The following HDAC9 variants were observed in gnomAD, a reference collection of about 807,000 sequenced individuals.
HDAC9 encodes histone deacetylase 9.
A neutral mutation model predicts 139.4 loss-of-function variants in HDAC9; 41 were observed. The observed-to-expected ratio is 0.29, with a 90% CI of 0.23 to 0.38. The LOEUF (loss-of-function observed/expected upper bound fraction) is 0.38, where lower values mean the gene tolerates loss of function less well. Ranked by LOEUF, HDAC9 falls within the 10% of genes least tolerant of loss-of-function variation. The pLI is 1.00. For missense variants in HDAC9, 1,147 were observed against 1,297.0 expected, an observed-to-expected ratio of 0.88 and a Z score of 1.78; for synonymous variants, 517 against 476.2, an observed-to-expected ratio of 1.09 and a Z score of -1.12.
At chr7:18,621,571 A>G (rs1840214290) in intron 6 of HDAC9, among the ~76,000 whole-genome samples, 1 of 152,150 alleles carries the variant, frequency 6.6e-6, no homozygotes, top group South Asian at 2.1e-4. Flanking sequence ...AATTGCATTC[A>G]TGTATTACCA....
At chr7:18,136,370 T>A (rs956961736) in intron 1 of HDAC9, among the ~76,000 whole-genome samples, 6 of 152,202 alleles carry the variant, frequency 3.9e-5, no homozygotes, top group African/African-American at 1.4e-4. Flanking sequence ...AGACATGAAG[T>A]CCTTGCCCAT....
intron 1 of HDAC9, among the ~76,000 whole-genome samples, chr7:18,375,151 T>C (rs1253583480): frequency 2.0e-5 from 3 of 152,230 alleles, no homozygotes; most frequent in Admixed American, 6.5e-5. Flanking sequence ...TGCATGTTAC[T>C]ACATAAAATT....
At chr7:18,773,362 T>TAC (rs1491290562) in intron 16 of HDAC9, among the ~76,000 whole-genome samples, 6 of 116,770 alleles carry the variant, frequency 5.1e-5, no homozygotes, top group Non-Finnish European at 9.0e-5. Context: ...TAAAAAACTG[T>TAC]ATACACACAC....
At position 18,709,944 on chromosome 7, in the gene HDAC9, T is replaced by G. The variant is rs149661449; in HGVS notation, c.1732-17636T>G. Among the ~76,000 whole-genome samples the G allele has an allele frequency of 2.8e-3, 430 of 152,318 alleles. 4 individuals are homozygous for G. Among genetic ancestry groups the G allele is most frequent in the African/African-American group, 1.0e-2 (415 of 41,570 alleles). ...TCTGAGAAATGTCAGTGTATTAGTT[T>G]GTTCTCATGCTGCTGATAAAAAGAC... On this transcript the variant is annotated intron_variant, in intron 12 of 25. Coordinates refer to ENST00000686413, the MANE Select transcript of HDAC9 (RefSeq NM_178425.4).
At chr7:18,545,093 C>G (rs1364107703) in intron 2 of HDAC9, among the ~76,000 whole-genome samples, 1 of 152,108 alleles carries the variant, frequency 6.6e-6, no homozygotes, top group Admixed American at 6.6e-5. Context: ...GTCAATGGTT[C>G]CAAAGTTGAG....
chr7:18,940,402 C>T (rs1781945762), intron 23 of HDAC9, among the ~76,000 whole-genome samples: 1 of 152,116 alleles, frequency 6.6e-6, no homozygotes, highest in South Asian at 2.1e-4. Context: ...CTGGAGGCAA[C>T]TGATATTGAA....
At chr7:18,309,342 A>T (rs1208126325) in intron 1 of HDAC9, among the ~76,000 whole-genome samples, 1 of 152,200 alleles carries the variant, frequency 6.6e-6, no homozygotes, top group Non-Finnish European at 1.5e-5. Flanking sequence ...GTTTAAATTT[A>T]GATACTGTCT....
intron 1 of HDAC9, among the ~76,000 whole-genome samples, chr7:18,463,564 G>A (rs369964180): frequency 8.1e-4 from 123 of 151,706 alleles, no homozygotes; most frequent in South Asian, 2.1e-3. Flanking sequence ...TGCATTATTT[G>A]TTTGAATTTA....
intron 22 of HDAC9, among the ~76,000 whole-genome samples, chr7:18,875,088 T>C (rs1799220485): frequency 6.6e-6 from 1 of 152,200 alleles, no homozygotes; most frequent in Non-Finnish European, 1.5e-5. Context: ...TCATAATCTC[T>C]ACTCGTCTTC....
chr7:18,368,289 T>A (rs1784337806), intron 1 of HDAC9, among the ~76,000 whole-genome samples: 2 of 152,114 alleles, frequency 1.3e-5, no homozygotes, highest in Admixed American at 6.6e-5. Flanking sequence ...TCTATCACTT[T>A]ACCTTTTAAT....
At chr7:18,974,982 A>C (rs1404935050) in intron 24 of HDAC9, among the ~76,000 whole-genome samples, 1 of 152,182 alleles carries the variant, frequency 6.6e-6, no homozygotes, top group Non-Finnish European at 1.5e-5. Flanking sequence ...AGATAGTACT[A>C]ACCTGGTGAG....
At chr7:18,334,057 A>G (rs888160913) in intron 1 of HDAC9, among the ~76,000 whole-genome samples, 8 of 151,416 alleles carry the variant, frequency 5.3e-5, no homozygotes, top group Non-Finnish European at 7.4e-5. Flanking sequence ...CTGGAGAAAT[A>G]TCATTTGAGG....
chr7:18,821,304 A>G (rs1018772555), intron 17 of HDAC9, among the ~76,000 whole-genome samples: 8 of 152,206 alleles, frequency 5.3e-5, no homozygotes, highest in African/African-American at 1.9e-4. Context: ...ACCAGAACAC[A>G]GAGGAACTTG....
chr7:18,728,718 A>G lies in HDAC9; in HGVS notation c.1909+961A>G, dbSNP rs1785770524. On this transcript the variant is annotated intron_variant, in intron 13 of 25. Coordinates refer to ENST00000686413, the MANE Select transcript of HDAC9 (RefSeq NM_178425.4). ...TTGTTTTTGTGGCTTCTGTGACCTC[A>G]TGCAAGCCTTCGTGCTTGGAAAAGT... Among the ~76,000 whole-genome samples, 2 of 152,144 alleles carry G rather than the reference A, an allele frequency of 1.3e-5. 1 individual carries two copies. The highest frequency in any genetic ancestry group is 1.3e-4 in the Admixed American group (2 of 15,272).
chr7:18,795,056 A>G (rs1278715514), intron 17 of HDAC9, among the ~76,000 whole-genome samples: 3 of 152,104 alleles, frequency 2.0e-5, no homozygotes, highest in African/African-American at 7.2e-5. Flanking sequence ...TAGTTGAATA[A>G]AAACATAATT....
At chr7:18,870,440 T>G (rs953917383) in intron 21 of HDAC9, among the ~76,000 whole-genome samples, 1 of 152,186 alleles carries the variant, frequency 6.6e-6, no homozygotes, top group African/African-American at 2.4e-5. Flanking sequence ...ATGTTTTTAG[T>G]AAAAACGCCA....
intron 1 of HDAC9, among the ~76,000 whole-genome samples, chr7:18,449,908 A>G (rs2128101123): frequency 6.6e-6 from 1 of 152,318 alleles, no homozygotes; most frequent in East Asian, 1.9e-4. Context: ...ATTTAACAAA[A>G]TTAGAATCAG....
At chr7:18,168,876 CTTGT>C (rs1379513701) in intron 2 of HDAC9, among the ~76,000 whole-genome samples, 7 of 68,394 alleles carry the variant, frequency 1.0e-4, no homozygotes, top group African/African-American at 4.5e-4. Context: ...GTGCAAATGT[CTTGT>C]TTTTTTTTTT....
At position 18,604,563 on chromosome 7, in the gene HDAC9, A is replaced by AT. The variant is rs946704020; in HGVS notation, c.664+10545dup. Among the ~76,000 whole-genome samples the AT allele has an allele frequency of 2.4e-3, 362 of 149,926 alleles. 4 individuals are homozygous for AT. The highest frequency in any genetic ancestry group is 8.2e-3 in the African/African-American group (334 of 40,692). ...CTGGGACCACCACCACGCCCAGCTA[A>AT]TTTTTTTTTTTAATTTTTAGTAGAG... On this transcript the variant is annotated intron_variant, in intron 6 of 25. Transcript: ENST00000686413.
Sources: allele counts gnomAD v4.1 joint callset (sites outside exome capture counted in the v4.1 genomes callset), GRCh38; gene constraint gnomAD v4.1.1; transcripts MANE v1.5; gene names NCBI Gene and HGNC (gene_info 2026-07-23, HGNC 2026-07-21).